Variants in RBFOX1 observed in about 807,000 individuals in gnomAD.
The protein encoded by RBFOX1 is RNA binding protein fox-1 homolog 1.
In RBFOX1, 8 loss-of-function variants were observed where a neutral mutation model predicts 57.7. That is an observed-to-expected ratio of 0.14 (90% CI 0.08 to 0.25). The LOEUF (loss-of-function observed/expected upper bound fraction) is 0.25. Ranked by LOEUF, RBFOX1 falls within the 10% of genes least tolerant of loss-of-function variation. The pLI is 1.00. For missense variants in RBFOX1, 611 were observed against 548.5 expected, an observed-to-expected ratio of 1.11 and a Z score of -1.14; for synonymous variants, 326 against 222.4, an observed-to-expected ratio of 1.47 and a Z score of -4.15.
chr16:5,764,769 C>T (rs926265443), intron 3 of RBFOX1, among the ~76,000 whole-genome samples: 1 of 151,550 alleles, frequency 6.6e-6, no homozygotes, highest in Admixed American at 6.6e-5. Context: ...AAAATCTGCC[C>T]TGCCTACCTG....
intron 1 of RBFOX1, among the ~76,000 whole-genome samples, chr16:6,098,641 C>T (rs1030158352): frequency 6.6e-6 from 1 of 152,232 alleles, no homozygotes; most frequent in Non-Finnish European, 1.5e-5. Context: ...TTATCTTTCT[C>T]TGCATGCCTT....
At chr16:6,121,298 G>T (rs1191474974) in intron 1 of RBFOX1, among the ~76,000 whole-genome samples, 1 of 152,164 alleles carries the variant, frequency 6.6e-6, no homozygotes, top group East Asian at 1.9e-4. Flanking sequence ...GGCCTCAGGA[G>T]TCTGTATTCT....
intron 3 of RBFOX1, among the ~76,000 whole-genome samples, chr16:7,018,682 C>G (rs1409275182): frequency 1.3e-5 from 2 of 151,908 alleles, no homozygotes; most frequent in Non-Finnish European, 2.9e-5. Context: ...GGAGATATAC[C>G]TAATGTAAAT....
chr16:5,415,275 C>T (rs1295875172), intron 1 of RBFOX1, among the ~76,000 whole-genome samples: 2 of 152,096 alleles, frequency 1.3e-5, no homozygotes, highest in African/African-American at 2.4e-5. Flanking sequence ...CACAAGGTGG[C>T]AGGAGAGAGC....
chr16:5,260,338 A>C (rs1479104080), intron 1 of RBFOX1, among the ~76,000 whole-genome samples: 2 of 152,230 alleles, frequency 1.3e-5, no homozygotes, highest in African/African-American at 4.8e-5. Context: ...ACCTCCTAAT[A>C]TTAAGTGAGC....
chr16:6,013,051 T>C (rs142003655), intron 4 of RBFOX1, among the ~76,000 whole-genome samples: 71 of 151,898 alleles, frequency 4.7e-4, no homozygotes, highest in African/African-American at 1.6e-3. Flanking sequence ...GTTAATTATA[T>C]CATCATCATC....
chr16:5,311,140 C>T (rs149483622), intron 1 of RBFOX1, among the ~76,000 whole-genome samples: 9 of 152,290 alleles, frequency 5.9e-5, no homozygotes, highest in African/African-American at 2.2e-4. Context: ...TGGCCTCTAG[C>T]TCCATCCAAG....
intron 1 of RBFOX1, among the ~76,000 whole-genome samples, chr16:5,317,241 T>G (rs1292862154): frequency 3.3e-5 from 5 of 152,216 alleles, no homozygotes; most frequent in Non-Finnish European, 7.3e-5. Context: ...ATGTGTATTT[T>G]CTATTGGTTC....
At chr16:5,433,268 C>G (rs557442215) in intron 1 of RBFOX1, among the ~76,000 whole-genome samples, 74 of 152,220 alleles carry the variant, frequency 4.9e-4, no homozygotes, top group African/African-American at 1.4e-3. Context: ...GAAAGGAGGC[C>G]CCTTGACTGC....
chr16:5,608,679 G>C (rs746074232), intron 3 of RBFOX1, among the ~76,000 whole-genome samples: 2 of 152,212 alleles, frequency 1.3e-5, no homozygotes, highest in Non-Finnish European at 2.9e-5. Flanking sequence ...GGAGTTGTCT[G>C]TTACAAGGCT....
chr16:5,736,694 C>G (rs1456186822), intron 3 of RBFOX1, among the ~76,000 whole-genome samples: 2 of 152,172 alleles, frequency 1.3e-5, no homozygotes, highest in Admixed American at 1.3e-4. Flanking sequence ...TTGTCTGTCT[C>G]TGTCTCTATC....
chr16:7,203,617 A>T (rs1375345483), intron 4 of RBFOX1, among the ~76,000 whole-genome samples: 1 of 152,250 alleles, frequency 6.6e-6, no homozygotes, highest in Non-Finnish European at 1.5e-5. Context: ...GTGAGTTTTC[A>T]GCTGGCACAG....
chr16:6,489,986 C>A (rs780741233), intron 2 of RBFOX1, among the ~76,000 whole-genome samples: 1 of 152,194 alleles, frequency 6.6e-6, no homozygotes, highest in African/African-American at 2.4e-5. Context: ...TCTTTGCTTT[C>A]TGATGCTCTT....
intron 4 of RBFOX1, among the ~76,000 whole-genome samples, chr16:7,210,071 T>A (rs369339973): frequency 1.9e-4 from 29 of 152,054 alleles, no homozygotes; most frequent in East Asian, 7.7e-4. Context: ...AGGAAGAAAA[T>A]CCAATGAAGT....
At chr16:6,194,293 C>G (rs181085238) in intron 1 of RBFOX1, among the ~76,000 whole-genome samples, 5 of 152,292 alleles carry the variant, frequency 3.3e-5, no homozygotes, top group Admixed American at 3.3e-4. Flanking sequence ...CAGTTCACCT[C>G]TCACCCAGGC....
intron 2 of RBFOX1, among the ~76,000 whole-genome samples, chr16:6,450,198 T>A (rs946768306): frequency 1.1e-4 from 16 of 152,172 alleles, no homozygotes; most frequent in African/African-American, 3.9e-4. Flanking sequence ...CTCTGCTTTT[T>A]TACCTAAGTA....
chr16:6,203,738 C>T (rs1290454003), intron 1 of RBFOX1, among the ~76,000 whole-genome samples: 2 of 152,158 alleles, frequency 1.3e-5, no homozygotes, highest in Admixed American at 1.3e-4. Context: ...ACCCTTGTCT[C>T]TTGTGTGTTC....
chr16:7,090,889 CTCCCTTGACCAGCACA>C (rs1567219913), intron 4 of RBFOX1, among the ~76,000 whole-genome samples: 1 of 84,784 alleles, frequency 1.2e-5, no homozygotes, highest in African/African-American at 4.1e-5. Flanking sequence ...CCAGCACAAC[CTCCCTTGACCAGCACA>C]AACTCCTGCT....
At chr16:7,709,212 G>C in intron 15 of RBFOX1, 81 bp downstream of exon 15, 1 of 1,305,306 alleles carries the variant, frequency 7.7e-7, no homozygotes, top group Non-Finnish European at 1.1e-6. Flanking sequence ...ACGGGTTGAC[G>C]TCCTCTCACT....
Sources: allele counts gnomAD v4.1 joint callset (sites outside exome capture counted in the v4.1 genomes callset), GRCh38; gene constraint gnomAD v4.1.1; transcripts MANE v1.5; gene names NCBI Gene and HGNC (gene_info 2026-07-23, HGNC 2026-07-21).